PROCA1: variants seen among roughly 807,000 people sequenced by gnomAD.
The protein encoded by PROCA1 is protein PROCA1.
Under a neutral mutation model 23.2 loss-of-function variants are expected in PROCA1, and 22 were observed. That is an observed-to-expected ratio of 0.95 (90% CI 0.68 to 1.35). The LOEUF (loss-of-function observed/expected upper bound fraction) is 1.35, where lower values mean the gene tolerates loss of function less well. Ranked by LOEUF, PROCA1 falls within the 40% of genes most tolerant of loss-of-function variation. The pLI is 0.00. For synonymous variants in PROCA1, 182 were observed against 179.2 expected, an observed-to-expected ratio of 1.02 and a Z score of -0.12; for missense variants, 469 against 459.8, an observed-to-expected ratio of 1.02 and a Z score of -0.18.
intron 1 of PROCA1, chr17:28,710,741 C>T (rs2032739732): frequency 1.6e-6 from 2 of 1,288,666 alleles, no homozygotes; most frequent in Admixed American, 2.3e-5. Context: ...TCCAGAGTTC[C>T]TGCAGCAGGA....
chr17:28,703,962 T>G lies in PROCA1; in HGVS notation c.691A>C (p.Lys231Gln), dbSNP rs776491153. The G allele has an allele frequency of 3.7e-6, 6 of 1,611,250 alleles. No individual in the cohort carries two copies. The highest frequency in any genetic ancestry group is 1.6e-4 in the Middle Eastern group (1 of 6,080). Residue 231 changes from lysine (K) to glutamine (Q), a missense_variant, in exon 5 of 5, where the codon AAG becomes CAG. Coordinates refer to ENST00000682792, the MANE Select transcript of PROCA1 (RefSeq NM_001366301.1). ...TTCTTCTTTACCTTCTTGATCACCT[T>G]GCTGCCCTGACCCTTCCCTGTGGGG... ...ESPTGKGQGSKVIKKVKKKKE... is the reference protein window; with the variant it reads ...ESPTGKGQGSQVIKKVKKKKE...
Position 28,704,133 on chromosome 17 carries a change from C to T in PROCA1, c.520G>A (p.Glu174Lys), listed in dbSNP as rs1025855176. 66 of 1,561,208 alleles carry T rather than the reference C, an allele frequency of 4.2e-5. No homozygotes were observed. The highest frequency in any genetic ancestry group is 5.5e-5 in the Non-Finnish European group (64 of 1,159,962). Residue 174 changes from glutamate (E) to lysine (K), a missense_variant, in exon 5 of 5, where the codon GAA becomes AAA. Glu to Lys is a moderately conservative substitution (Grantham distance 56, BLOSUM62 1). Coordinates refer to ENST00000682792, the MANE Select transcript of PROCA1 (RefSeq NM_001366301.1). ...TCCTCCTCCTCCTCTTCCTCTTCTT[C>T]ATTTAGATCATCTGCCCCACACTCA... ...YHECGADDLNEEEEEEEEESK... is the reference protein window; with the variant it reads ...YHECGADDLNKEEEEEEEESK...
At position 28,711,613 on chromosome 17, in the gene PROCA1, C is replaced by G. The variant is rs781340036; in HGVS notation, c.48G>C (p.Lys16Asn). ...CCCACGAGCGGGCCTTGGGCTCGGT[C>G]TTTTCCTTAGTCCATCTTTCAATTG... ...TLTIERWTKE[K>N]TEPKARSWDE... The change falls in exon 1 of 5, where the codon AAG (lysine) becomes AAC (asparagine). Residue 16 changes from lysine to asparagine, a missense_variant. By Grantham distance (94) the Lys-to-Asn change is moderately conservative. Transcript: ENST00000682792. 1.2e-6 allele frequency: 2 copies of G among 1,612,586 alleles called. No individual in the cohort carries two copies. Among genetic ancestry groups the G allele is most frequent in the East Asian group, 4.5e-5 (2 of 44,632 alleles).
chr17:28,703,990 C>T lies in PROCA1; in HGVS notation c.663G>A (p.Glu221=). Residue 221 remains glutamate, a synonymous_variant, in exon 5 of 5, where the codon GAG becomes GAA. Transcript: ENST00000682792. The part of the protein sequence containing the change: ...STAPITIWRS[E]SPTGKGQGSK... The stretch of plus-strand genomic sequence containing the variant: ...TGCCCTGACCCTTCCCTGTGGGGCT[C>T]TCAGAGCGCCAGATGGTGATGGGCG... 1.2e-6 allele frequency: 2 copies of T among 1,610,558 alleles called. No homozygotes were observed. The highest frequency in any genetic ancestry group is 1.7e-6 in the Non-Finnish European group (2 of 1,178,530).
At chr17:28,704,649 C>T in intron 3 of PROCA1, 59 bp downstream of exon 3, 1 of 1,603,342 alleles carries the variant, frequency 6.2e-7, no homozygotes, top group East Asian at 2.2e-5. Flanking sequence ...GAAGGGGAGA[C>T]CACAATGAAA....
Position 28,704,400 on chromosome 17 carries a change from C to G in PROCA1, c.347G>C (p.Arg116Pro), listed in dbSNP as rs143668972. 1 of 1,613,844 alleles carries G rather than the reference C, an allele frequency of 6.2e-7. No individual in the cohort carries two copies. The highest frequency in any genetic ancestry group is 8.5e-7 in the Non-Finnish European group (1 of 1,179,978). ...KDSSEDSSSSRGAGPTCSHVI... is the reference protein window; with the variant it reads ...KDSSEDSSSSPGAGPTCSHVI... ...ATGGGAGCAGGTTGGGCCCGCGCCC[C>G]GGGAGCTGCTGCTATCCTCTGAAGA... Residue 116 changes from arginine to proline, a missense_variant, in exon 4 of 5, where the codon CGG (arginine) becomes CCG (proline). By Grantham distance (103) the Arg-to-Pro change is moderately radical. Transcript: ENST00000682792.
chr17:28,708,198 C>T (rs190375756), intron 1 of PROCA1, among the ~76,000 whole-genome samples: 11 of 152,160 alleles, frequency 7.2e-5, no homozygotes, highest in East Asian at 1.9e-4. Context: ...TTAGTAGAGA[C>T]GGGGTTTCAC....
At chr17:28,708,539 T>C (rs970572927) in intron 1 of PROCA1, among the ~76,000 whole-genome samples, 6 of 152,062 alleles carry the variant, frequency 3.9e-5, no homozygotes, top group Non-Finnish European at 8.8e-5. Context: ...TTCATCAACT[T>C]CCATGTTTTC....
In PROCA1 at chr17:28,711,816, C is replaced by T. The variant is rs955673438; in HGVS notation, c.-156G>A. On this transcript the variant is annotated 5_prime_UTR_variant, in exon 1 of 5. Coordinates refer to ENST00000682792, the MANE Select transcript of PROCA1 (RefSeq NM_001366301.1). ...CGCCTCATGCTGGCGCAGCCCCCGC[C>T]GGCCTCCCCAGCCCGGCTCCAGGCT... 10 of 601,782 alleles carry T rather than the reference C, an allele frequency of 1.7e-5. No homozygotes were observed. Among genetic ancestry groups the T allele is most frequent in the African/African-American group, 1.4e-4 (7 of 51,028 alleles). 37.3% of individuals were successfully genotyped at this position (601,782 alleles called of 1,614,324 possible). A position where few individuals can be genotyped will look rare whatever the true frequency, so the allele number is the denominator to read the frequency against.
intron 1 of PROCA1, chr17:28,710,842 G>A (rs558198646): frequency 1.8e-5 from 24 of 1,304,192 alleles, no homozygotes; most frequent in African/African-American, 1.7e-4. Flanking sequence ...GGCGTTAATC[G>A]GCGCACAAAG....
intron 1 of PROCA1, among the ~76,000 whole-genome samples, chr17:28,710,401 G>A (rs1452513563): frequency 2.0e-5 from 3 of 151,868 alleles, no homozygotes; most frequent in Non-Finnish European, 4.4e-5. Flanking sequence ...CAGCTACTCA[G>A]GAGGCTGAGG....
intron 1 of PROCA1, chr17:28,707,834 C>T (rs1032991285): frequency 6.6e-6 from 1 of 152,286 alleles, no homozygotes; most frequent in Admixed American, 6.5e-5. Context: ...GGCCCAGTCC[C>T]TACCTTCAGT....
intron 1 of PROCA1, among the ~76,000 whole-genome samples, chr17:28,710,335 AAAAAT>A (rs1366147852): frequency 3.3e-5 from 5 of 151,386 alleles, no homozygotes; most frequent in Non-Finnish European, 5.9e-5. Flanking sequence ...CGTCTCTACT[AAAAAT>A]AAAAAAAAAT....
Position 28,703,311 on chromosome 17 carries a change from A to G in PROCA1, c.*247T>C. On this transcript the variant is annotated 3_prime_UTR_variant, in exon 5 of 5. Coordinates refer to ENST00000682792, the MANE Select transcript of PROCA1 (RefSeq NM_001366301.1). ...GCAGAGAGGGGAAGCCCTCCTTCCC[A>G]CCCCAGATACACTCTTCCACCTTGT... 1.9e-6 allele frequency: 1 copy of G among 520,102 alleles called. No homozygotes were observed. The highest frequency in any genetic ancestry group is 2.8e-5 in the South Asian group (1 of 35,346). The allele number at this position is 520,102 out of a possible 1,614,324, so 32.2% of individuals were successfully genotyped here.
At chr17:28,710,845 G>C in intron 1 of PROCA1, 10 of 1,304,144 alleles carry the variant, frequency 7.7e-6, no homozygotes, top group Non-Finnish European at 1.0e-5. Flanking sequence ...GTTAATCGGC[G>C]CACAAAGGCC....
At chr17:28,708,064 C>CA (rs2151686329) in intron 1 of PROCA1, among the ~76,000 whole-genome samples, 1 of 152,322 alleles carries the variant, frequency 6.6e-6, no homozygotes, top group East Asian at 1.9e-4. Context: ...GGCTGGAGTG[C>CA]AGTGGTGGGA....
rs1042222293 is a variant in PROCA1, at chr17:28,704,019, T to A, written c.634A>T (p.Thr212Ser). ...GAGCGCCAGATGGTGATGGGCGCTG[T>A]GGAGTCAGGGGTACCAGTGGCCATG... is the stretch of plus-strand genomic sequence containing the variant. ...TSMATGTPDS[T>S]APITIWRSES... Residue 212 changes from threonine (T) to serine (S), a missense_variant, in exon 5 of 5, where the codon ACA becomes TCA. Physicochemically the swap from Thr to Ser is moderately conservative, Grantham distance 58. Coordinates refer to ENST00000682792, the MANE Select transcript of PROCA1 (RefSeq NM_001366301.1). 2 of 1,611,588 alleles carry A rather than the reference T, an allele frequency of 1.2e-6. No homozygotes were observed. Among genetic ancestry groups the A allele is most frequent in the Admixed American group, 3.4e-5 (2 of 59,612 alleles).
At position 28,704,442 on chromosome 17, in the gene PROCA1, C is replaced by T. The variant is rs2032338772; in HGVS notation, c.312-7G>A. On this transcript the variant is annotated splice_polypyrimidine_tract_variant and splice_region_variant and intron_variant, in intron 3 of 4. Transcript: ENST00000682792. Reference sequence around the variant, plus strand: ...CTCTGAAGAGTCCTTCAGCCTGCCACACATGGGACTCTCAGCCTGGCTCCC... The same window carrying T: ...CTCTGAAGAGTCCTTCAGCCTGCCATACATGGGACTCTCAGCCTGGCTCCC... 3.1e-6 allele frequency: 5 copies of T among 1,608,890 alleles called. No individual in the cohort carries two copies. The Admixed American group carries it at 6.7e-5, about 22-fold the overall frequency.
intron 1 of PROCA1, among the ~76,000 whole-genome samples, chr17:28,709,192 GA>G (rs772758400): frequency 3.9e-5 from 6 of 152,134 alleles, no homozygotes; most frequent in Non-Finnish European, 7.3e-5. Flanking sequence ...GTTGGCTGGG[GA>G]CACACCCCTG....
Sources: allele counts gnomAD v4.1 joint callset (sites outside exome capture counted in the v4.1 genomes callset), GRCh38; gene constraint gnomAD v4.1.1; transcripts MANE v1.5; gene names NCBI Gene and HGNC (gene_info 2026-07-23, HGNC 2026-07-21).